The following MGRN1 variants were observed in gnomAD, a reference collection of about 807,000 sequenced individuals.
MGRN1 encodes mahogunin ring finger 1.
Under a neutral mutation model 69.2 loss-of-function variants are expected in MGRN1, and 29 were observed. That is an observed-to-expected ratio of 0.42 (90% confidence interval 0.31 to 0.57). The LOEUF (loss-of-function observed/expected upper bound fraction) is 0.57, where lower values mean the gene tolerates loss of function less well. Ranked by LOEUF, MGRN1 falls within the 20% of genes least tolerant of loss-of-function variation. MGRN1 has a pLI of 0.15. For synonymous variants in MGRN1, 470 were observed against 344.2 expected (o/e 1.37, Z -4.04); for missense variants, 998 against 796.2 (o/e 1.25, Z -3.05).
intron 1 of MGRN1, among the ~76,000 whole-genome samples, chr16:4,629,753 A>T (rs1432623549): frequency 6.7e-6 from 1 of 149,420 alleles, no homozygotes; most frequent in Non-Finnish European, 1.5e-5. Context: ...AAAAAAAAAA[A>T]TCATACAGGC....
intron 7 of MGRN1, 33 bp from the exon 8 acceptor site, chr16:4,668,232 C>T (rs1203814168): frequency 1.2e-6 from 2 of 1,607,048 alleles, no homozygotes; most frequent in African/African-American, 1.3e-5. Context: ...GCCAGCTTGA[C>T]CACCTTAACC....
intron 3 of MGRN1, 64 bp from the exon 4 acceptor site, chr16:4,652,614 G>A (rs1336007557): frequency 2.6e-6 from 4 of 1,539,992 alleles, no homozygotes; most frequent in Admixed American, 1.9e-5. Context: ...CCTGGCAGGG[G>A]AGGAGGCAGC....
At chr16:4,678,080 C>G (rs1485268088) in intron 11 of MGRN1, among the ~76,000 whole-genome samples, 2 of 152,198 alleles carry the variant, frequency 1.3e-5, no homozygotes. Flanking sequence ...CTCTTGGGCT[C>G]AAGTGCTAGT....
chr16:4,686,079 TTCTGGCTGCGC>T (rs144808025), intron 16 of MGRN1, among the ~76,000 whole-genome samples: 68,980 of 151,676 alleles, frequency 0.45, 17,473 homozygotes, highest in East Asian at 0.65. Context: ...CCGCGTTGAA[TTCTGGCTGCGC>T]TCTGCCTCCC....
At chr16:4,678,021 G>T (rs187813209) in intron 11 of MGRN1, among the ~76,000 whole-genome samples, 63 of 152,208 alleles carry the variant, frequency 4.1e-4, no homozygotes, top group Non-Finnish European at 7.5e-4. Flanking sequence ...CTAATGTTTT[G>T]TATTTTTAGT....
At chr16:4,666,332 A>ATG (rs2141928844) in intron 7 of MGRN1, among the ~76,000 whole-genome samples, 1 of 151,626 alleles carries the variant, frequency 6.6e-6, no homozygotes, top group South Asian at 2.1e-4. Context: ...AGGTCTCGCT[A>ATG]TGTTGCCCAG....
intron 1 of MGRN1, among the ~76,000 whole-genome samples, chr16:4,648,054 C>A (rs2078311188): frequency 6.6e-6 from 1 of 152,246 alleles, no homozygotes; most frequent in East Asian, 1.9e-4. Flanking sequence ...CCGCTGAAGG[C>A]CCCGGGAAGG....
intron 1 of MGRN1, among the ~76,000 whole-genome samples, chr16:4,629,950 T>G (rs1098592): frequency 0.24 from 35,080 of 148,482 alleles, 4,650 homozygotes; most frequent in African/African-American, 0.37. Context: ...GGAGGCTGAG[T>G]CAGGAGAATT....
At chr16:4,687,905 G>A (rs1255642893) in intron 16 of MGRN1, 1 of 985,544 alleles carries the variant, frequency 1.0e-6, no homozygotes, top group African/African-American at 1.7e-5. Context: ...CCCCTGTCCT[G>A]AGCCATTATA....
At chr16:4,665,667 C>CTTT (rs35226786) in intron 7 of MGRN1, among the ~76,000 whole-genome samples, 10 of 127,570 alleles carry the variant, frequency 7.8e-5, no homozygotes, top group African/African-American at 1.3e-4. Flanking sequence ...CGTGCCCGGC[C>CTTT]TTTTTTTTTT....
At chr16:4,637,197 AG>A (rs2141838824) in intron 1 of MGRN1, among the ~76,000 whole-genome samples, 1 of 151,166 alleles carries the variant, frequency 6.6e-6, no homozygotes, top group East Asian at 2.0e-4. Flanking sequence ...TGGGAGGCTG[AG>A]GCGGGCAGAT....
rs1157660392 is a variant in MGRN1, at chr16:4,661,676, C to T, written c.562-3033C>T. 4.6e-5 allele frequency among the ~76,000 whole-genome samples: 7 copies of T among 152,264 alleles called. No individual in the cohort carries two copies. In the East Asian group the frequency reaches 9.6e-4, roughly 21 times the overall value. ...TAACAGAGACCACGGCACTTCTCAG[C>T]CTTCACAGCATAGCCCCCAGCATCA... On this transcript the variant is annotated intron_variant, in intron 5 of 16. Transcript: ENST00000262370.
intron 5 of MGRN1, among the ~76,000 whole-genome samples, chr16:4,660,123 G>A (rs1009786842): frequency 6.6e-6 from 1 of 152,252 alleles, no homozygotes; most frequent in Non-Finnish European, 1.5e-5. Flanking sequence ...GGCCACAGGG[G>A]TGCCCAGCAT....
intron 1 of MGRN1, chr16:4,649,246 C>G (rs1198698026): frequency 1.3e-5 from 2 of 152,256 alleles, no homozygotes; most frequent in Non-Finnish European, 2.9e-5. Context: ...ACACAGGGCT[C>G]AGATTTGGGG....
At chr16:4,688,758 T>TGGCA (rs1596324962) in intron 16 of MGRN1, 38 bp from the exon 17 acceptor site, 11 of 1,515,932 alleles carry the variant, frequency 7.3e-6, no homozygotes, top group Middle Eastern at 1.7e-4. Flanking sequence ...GCACCAGGCA[T>TGGCA]CCGAGTGTGA....
chr16:4,650,546 C>T, intron 2 of MGRN1, 63 bp downstream of exon 2: 1 of 1,314,854 alleles, frequency 7.6e-7, no homozygotes, highest in Non-Finnish European at 1.1e-6. Flanking sequence ...CCCCAGCAGT[C>T]CGCATCCCAG....
chr16:4,629,152 G>A (rs59028974), intron 1 of MGRN1, among the ~76,000 whole-genome samples: 29,478 of 130,758 alleles, frequency 0.23, 3,082 homozygotes, highest in African/African-American at 0.32. Context: ...CTGTTCGTAT[G>A]TGTGTGTGTG....
chr16:4,640,102 C>T (rs1047889506), intron 1 of MGRN1: 1 of 152,322 alleles, frequency 6.6e-6, no homozygotes, highest in African/African-American at 2.4e-5. Flanking sequence ...CGGAATGTCC[C>T]TGTTTTCCTC....
At chr16:4,679,577 T>C (rs929438819) in intron 11 of MGRN1, among the ~76,000 whole-genome samples, 2 of 152,184 alleles carry the variant, frequency 1.3e-5, no homozygotes, top group African/African-American at 4.8e-5. Context: ...CTGACTCTTC[T>C]CCCCAGCCCT....
Sources: gnomAD v4.1 joint callset for allele counts (sites outside exome capture counted in the v4.1 genomes callset) on GRCh38, gnomAD v4.1.1 for gene constraint, MANE v1.5 for transcripts, NCBI Gene and HGNC (gene_info 2026-07-23, HGNC 2026-07-21) for gene names.